KTN1: variants seen among roughly 807,000 people sequenced by gnomAD.
The protein encoded by KTN1 is kinectin.
In KTN1, 130 loss-of-function variants were observed where a neutral mutation model predicts 222.5. That is an observed-to-expected ratio of 0.58 (90% CI 0.51 to 0.68). The LOEUF is 0.68. Among genes scored for constraint, KTN1 ranks in the 30% least tolerant of loss-of-function variants. The pLI is 0.00. For missense variants in KTN1, 1,508 were observed against 1,500.4 expected, an observed-to-expected ratio of 1.01 and a Z score of -0.08; for synonymous variants, 512 against 496.3, an observed-to-expected ratio of 1.03 and a Z score of -0.42.
chr14:55,659,850 G>T, intron 31 of KTN1, 147 bp downstream of exon 31: 1 of 534,246 alleles, frequency 1.9e-6, no homozygotes, highest in East Asian at 3.0e-5. Flanking sequence ...GTTTAGAGTT[G>T]AGTAGTACCT....
intron 14 of KTN1, among the ~76,000 whole-genome samples, 175 bp from the exon 15 acceptor site, chr14:55,640,199 A>G (rs1459014246): frequency 6.6e-6 from 1 of 151,898 alleles, no homozygotes; most frequent in African/African-American, 2.4e-5. Flanking sequence ...ATGTGATATA[A>G]TTTACAATAA....
At chr14:55,636,411 T>G (rs2041130151) in intron 9 of KTN1, 38 bp from the exon 10 acceptor site, 1 of 1,461,392 alleles carries the variant, frequency 6.8e-7, no homozygotes, top group African/African-American at 1.4e-5. Context: ...ATTCTGTGTT[T>G]GTGCTAATTT....
chr14:55,585,396 G>C (rs2032775158), intron 1 of KTN1, among the ~76,000 whole-genome samples: 1 of 152,040 alleles, frequency 6.6e-6, no homozygotes, highest in African/African-American at 2.4e-5. Context: ...CAAAATATAT[G>C]TGCACCTTAA....
intron 18 of KTN1, among the ~76,000 whole-genome samples, chr14:55,642,706 T>G (rs956892951): frequency 2.0e-5 from 3 of 152,214 alleles, no homozygotes; most frequent in Non-Finnish European, 4.4e-5. Flanking sequence ...TGAGCTGGTG[T>G]AAGTAGCTGT....
At chr14:55,634,415 C>G (rs1195761694) in intron 8 of KTN1, 111 bp from the exon 9 acceptor site, 1 of 838,694 alleles carries the variant, frequency 1.2e-6, no homozygotes, top group Non-Finnish European at 1.8e-6. Flanking sequence ...TTCAGTTGGG[C>G]TGTAAATGGA....
intron 1 of KTN1, among the ~76,000 whole-genome samples, chr14:55,598,516 A>T (rs961574654): frequency 6.6e-6 from 1 of 151,350 alleles, no homozygotes; most frequent in Admixed American, 6.6e-5. Context: ...AAAAAAAAAA[A>T]TTACATTCTG....
At chr14:55,670,883 C>A in intron 35 of KTN1, 74 bp downstream of exon 35, 1 of 963,528 alleles carries the variant, frequency 1.0e-6, no homozygotes, top group Non-Finnish European at 1.6e-6. Flanking sequence ...TCTTCATAAG[C>A]TTGGAAAAGA....
intron 6 of KTN1, among the ~76,000 whole-genome samples, chr14:55,629,493 G>T (rs886296458): frequency 2.0e-5 from 3 of 147,356 alleles, no homozygotes; most frequent in Admixed American, 2.0e-4. Context: ...GCTTTCCCTT[G>T]TTTCAAACTT....
chr14:55,654,315 T>C (rs1201369571), intron 28 of KTN1, among the ~76,000 whole-genome samples: 2 of 151,024 alleles, frequency 1.3e-5, no homozygotes, highest in East Asian at 1.9e-4. Context: ...TGTCAAGATA[T>C]TGAGGATATT....
rs1377739023 is a variant in KTN1 at position 55,639,915 on chromosome 14, T to C, written c.1826T>C (p.Ile609Thr). The C allele has an allele frequency of 6.3e-6, 10 of 1,579,360 alleles. No individual in the cohort carries two copies. Among genetic ancestry groups the C allele is most frequent in the East Asian group, 2.2e-5 (1 of 44,548 alleles). The change falls in exon 14 of 44, where the codon ATT becomes ACT. Residue 609 changes from isoleucine (I) to threonine (T), a missense_variant and splice_region_variant. Physicochemically the swap from Ile to Thr is moderately conservative, Grantham distance 89 (BLOSUM62 -1). Transcript: ENST00000395314. ...TACAAATGTCTTTCCTTCTAAAGGATTGCAGAAAAGGATAAGCAGATAAAA... is the reference window on the plus strand; with the variant it reads ...TACAAATGTCTTTCCTTCTAAAGGACTGCAGAAAAGGATAAGCAGATAAAA... ...SVLAEELHKV[I>T]AEKDKQIKQT...
intron 2 of KTN1, among the ~76,000 whole-genome samples, chr14:55,615,707 GA>G (rs1163531266): frequency 2.0e-5 from 3 of 152,136 alleles, no homozygotes; most frequent in Non-Finnish European, 4.4e-5. Flanking sequence ...GGTAGAAAAG[GA>G]ACTAAGAGTA....
At chr14:55,662,714 G>A (rs1220317595) in intron 32 of KTN1, among the ~76,000 whole-genome samples, 1 of 152,124 alleles carries the variant, frequency 6.6e-6, no homozygotes, top group Non-Finnish European at 1.5e-5. Context: ...CAAAGTTTGT[G>A]TTAAATTGTT....
intron 41 of KTN1, 53 bp from the exon 42 acceptor site, chr14:55,678,299 T>A (rs759928263): frequency 2.0e-6 from 2 of 986,292 alleles, no homozygotes; most frequent in Non-Finnish European, 3.2e-6. Flanking sequence ...ATTCATTTTT[T>A]ATGTATTTAT....
Position 55,646,415 on chromosome 14 carries a change from T to G in KTN1, c.2173-558T>G, listed in dbSNP as rs145608325. Reference sequence around the variant, plus strand: ...TGTCTTTCTTTCTTTCTTCCTTTTTTTCCTTTCTTTCCTTCCTTTCCTTTC... The same window carrying G: ...TGTCTTTCTTTCTTTCTTCCTTTTTGTCCTTTCTTTCCTTCCTTTCCTTTC... On this transcript the variant is annotated intron_variant, in intron 18 of 43. Coordinates refer to ENST00000395314, the MANE Select transcript of KTN1 (RefSeq NM_001079521.2). Among the ~76,000 whole-genome samples, 443 of 136,680 alleles carry G rather than the reference T, an allele frequency of 3.2e-3. 6 individuals carry two copies. The highest frequency in any genetic ancestry group is 0.011 in the African/African-American group (419 of 36,856). 89.7% of individuals were successfully genotyped at this position (136,680 alleles called of 152,430 possible).
chr14:55,596,881 A>T (rs941702771), intron 1 of KTN1, among the ~76,000 whole-genome samples: 7 of 151,944 alleles, frequency 4.6e-5, no homozygotes, highest in African/African-American at 1.7e-4. Context: ...CTTATTTCCA[A>T]TTCAAGGTAA....
intron 7 of KTN1, among the ~76,000 whole-genome samples, chr14:55,631,341 G>GATATATATAT (rs56190231): frequency 0.021 from 2,412 of 114,488 alleles, 97 homozygotes; most frequent in African/African-American, 0.056. Flanking sequence ...TGATAAGGTT[G>GATATATATAT]ATATATATAT....
intron 2 of KTN1, among the ~76,000 whole-genome samples, chr14:55,613,569 G>C (rs895255128): frequency 4.0e-5 from 6 of 148,364 alleles, no homozygotes; most frequent in African/African-American, 1.5e-4. Flanking sequence ...TCTTGGCTCA[G>C]TGTGTCCTCT....
At chr14:55,619,088 T>C in intron 4 of KTN1, 94 bp from the exon 5 acceptor site, 2 of 934,704 alleles carry the variant, frequency 2.1e-6, no homozygotes, top group Non-Finnish European at 3.3e-6. Context: ...ATTGACTTTC[T>C]GGGCCGTGAA....
intron 43 of KTN1, 56 bp from the exon 44 acceptor site, chr14:55,684,043 A>G: frequency 6.6e-7 from 1 of 1,518,086 alleles, no homozygotes; most frequent in Non-Finnish European, 9.1e-7. Flanking sequence ...ATGTCTTCTG[A>G]TTGCCTTCTG....
Sources: allele counts gnomAD v4.1 joint callset (sites outside exome capture counted in the v4.1 genomes callset), GRCh38; gene constraint gnomAD v4.1.1; transcripts MANE v1.5; gene names NCBI Gene and HGNC (gene_info 2026-07-23, HGNC 2026-07-21).